OPHN1: variants seen among roughly 807,000 people sequenced by gnomAD.
The protein encoded by OPHN1 is oligophrenin 1, also known as oligophrenin-1.
OPHN1 carries 11 observed loss-of-function variants against 60.7 expected under a neutral mutation model. The observed-to-expected ratio is 0.18, with a 90% CI of 0.11 to 0.30. The LOEUF (loss-of-function observed/expected upper bound fraction) is 0.30. Ranked by LOEUF, OPHN1 falls within the 10% of genes least tolerant of loss-of-function variation. The pLI, the probability that OPHN1 is intolerant of heterozygous loss-of-function variation, is 1.00. For synonymous variants in OPHN1, 226 were observed against 222.6 expected, an observed-to-expected ratio of 1.02 and a Z score of -0.14; for missense variants, 449 against 611.0, an observed-to-expected ratio of 0.73 and a Z score of 2.80.
At chrX:68,344,813 C>T (rs868209403) in intron 2 of OPHN1, among the ~76,000 whole-genome samples, 3 of 112,172 alleles carry the variant, frequency 2.7e-5, no homozygotes, top group Non-Finnish European at 3.8e-5. Context: ...TAATAAAATG[C>T]TATGCTTATA....
At chrX:68,057,269 C>T (rs965582080) in intron 21 of OPHN1, among the ~76,000 whole-genome samples, 1 of 111,498 alleles carries the variant, frequency 9.0e-6, no homozygotes, top group African/African-American at 3.3e-5. Context: ...TAGGATGGAT[C>T]CTGAGCATGG....
chrX:68,049,653 A>G (rs1602121227), intron 23 of OPHN1, among the ~76,000 whole-genome samples: 2 of 111,892 alleles, frequency 1.8e-5, no homozygotes, highest in East Asian at 2.8e-4. Flanking sequence ...TGTGACTGTC[A>G]TTCTTGAAAT....
At position 68,414,222 on chromosome X, in the gene OPHN1, T is replaced by C. The variant is rs184373538; in HGVS notation, c.154+18645A>G. Among the ~76,000 whole-genome samples the C allele has an allele frequency of 1.2e-3, 136 of 111,408 alleles. No homozygotes were observed. In the Middle Eastern group the frequency reaches 0.014, roughly 11 times the overall value. Reference sequence around the variant, plus strand: ...GACCCAAGAGCACTATAAATAACAATGCTAATCTTTCTCAAATGGTTATTA... The same window carrying C: ...GACCCAAGAGCACTATAAATAACAACGCTAATCTTTCTCAAATGGTTATTA... On this transcript the variant is annotated intron_variant, in intron 2 of 24. Transcript: ENST00000355520.
At chrX:68,132,991 C>T in intron 15 of OPHN1, 1 of 470,184 alleles carries the variant, frequency 2.1e-6, no homozygotes, top group South Asian at 2.7e-5. Context: ...GGCCCCCGGA[C>T]GCCAAGCCGC....
At position 68,217,341 on chromosome X, in the gene OPHN1, G is replaced by A. The variant is rs751639749; in HGVS notation, c.487-3369C>T. ...TGAGATCAAACTGCAAGGCGGCAGC[G>A]AGGCTGGGGGAGGGGCGCCCGCCAT... On this transcript the variant is annotated intron_variant, in intron 6 of 24. Transcript: ENST00000355520. Among the ~76,000 whole-genome samples, 25 of 111,516 alleles carry A rather than the reference G, an allele frequency of 2.2e-4. No individual in the cohort carries two copies. The South Asian group carries it at 2.3e-3, about 10-fold the overall frequency.
chrX:68,359,506 T>TCCATC (rs897399549), intron 2 of OPHN1, among the ~76,000 whole-genome samples: 7 of 110,665 alleles, frequency 6.3e-5, no homozygotes, highest in African/African-American at 2.0e-4. Flanking sequence ...AAATAACATA[T>TCCATC]CCATCCCATC....
chrX:68,374,708 AG>A (rs2078547318), intron 2 of OPHN1, among the ~76,000 whole-genome samples: 1 of 112,261 alleles, frequency 8.9e-6, no homozygotes, highest in Non-Finnish European at 1.9e-5. Context: ...ACCCATACTC[AG>A]AATACATAAA....
At chrX:68,075,859 AT>A (rs1645883408) in intron 19 of OPHN1, among the ~76,000 whole-genome samples, 1 of 109,368 alleles carries the variant, frequency 9.1e-6, no homozygotes, top group Admixed American at 9.9e-5. Context: ...CTATAATCAA[AT>A]TTAAAAGCTG....
intron 5 of OPHN1, among the ~76,000 whole-genome samples, chrX:68,252,774 C>T (rs892264429): frequency 9.0e-6 from 1 of 111,353 alleles, no homozygotes; most frequent in Non-Finnish European, 1.9e-5. Context: ...CCCTTACTTG[C>T]CTACTAATGC....
intron 15 of OPHN1, among the ~76,000 whole-genome samples, chrX:68,185,978 T>G (rs16990523): frequency 0.034 from 3,836 of 111,704 alleles, 159 homozygotes; most frequent in African/African-American, 0.12. Context: ...GATCTTGGTT[T>G]AAGAAATAGG....
chrX:68,239,345 G>A (rs1227893933), intron 5 of OPHN1, among the ~76,000 whole-genome samples: 1 of 110,777 alleles, frequency 9.0e-6, no homozygotes, highest in African/African-American at 3.3e-5. Context: ...CCAACCACTT[G>A]TGTCTCTGCC....
chrX:68,050,449 C>T lies in OPHN1; in HGVS notation c.2376-1992G>A, dbSNP rs781178039. Among the ~76,000 whole-genome samples, 17 of 111,968 alleles carry T rather than the reference C, an allele frequency of 1.5e-4. 1 individual carries two copies. The East Asian group carries it at 2.0e-3, about 13-fold the overall frequency. ...GGTTGTGCTTGATCTAAGGCTTCCT[C>T]GAGCACTGGCTGACAAAGCCCAGCC... On this transcript the variant is annotated intron_variant, in intron 23 of 24. Transcript: ENST00000355520.
At chrX:68,079,025 A>AAAT (rs2076964747) in intron 19 of OPHN1, among the ~76,000 whole-genome samples, 1 of 108,920 alleles carries the variant, frequency 9.2e-6, no homozygotes, top group African/African-American at 3.3e-5. Flanking sequence ...ATAAATAAAT[A>AAAT]AAGTAAACAA....
At position 68,150,429 on chromosome X, in the gene OPHN1, T is replaced by G. The variant is rs763964; in HGVS notation, c.1277-31097A>C. On this transcript the variant is annotated intron_variant, in intron 15 of 24. Coordinates refer to ENST00000355520, the MANE Select transcript of OPHN1 (RefSeq NM_002547.3). The stretch of plus-strand genomic sequence containing the variant: ...AGTGGGAAAAAATGGAACATAATAA[T>G]AAGTTGTGAGCACAAATCTAACCTA... Among the ~76,000 whole-genome samples the G allele has an allele frequency of 6.1e-3, 686 of 111,881 alleles. 6 individuals carry two copies. Among genetic ancestry groups the G allele is most frequent in the African/African-American group, 0.021 (654 of 30,854 alleles).
chrX:68,223,953 A>G (rs751910618), intron 6 of OPHN1, among the ~76,000 whole-genome samples: 34 of 111,592 alleles, frequency 3.0e-4, no homozygotes, highest in Middle Eastern at 4.7e-3. Flanking sequence ...ATCAAAATAC[A>G]TGAGGTAAAA....
intron 15 of OPHN1, chrX:68,192,619 G>T: frequency 3.4e-6 from 1 of 298,083 alleles, no homozygotes; most frequent in Non-Finnish European, 6.0e-6. Flanking sequence ...GTATTCACTG[G>T]ATTTGGTAAG....
chrX:68,363,228 T>C (rs919600652), intron 2 of OPHN1, among the ~76,000 whole-genome samples: 3 of 110,112 alleles, frequency 2.7e-5, no homozygotes, highest in African/African-American at 6.6e-5. Context: ...GCCTGGGCAA[T>C]AGAGCAAGAC....
At chrX:68,165,349 G>A (rs1318116838) in intron 15 of OPHN1, among the ~76,000 whole-genome samples, 1 of 111,443 alleles carries the variant, frequency 9.0e-6, no homozygotes, top group Non-Finnish European at 1.9e-5. Context: ...AGTGAGAGAT[G>A]TGTGACTCAC....
chrX:68,246,841 C>A (rs72627691), intron 5 of OPHN1, among the ~76,000 whole-genome samples: 20,406 of 110,433 alleles, frequency 0.18, 1,583 homozygotes, highest in African/African-American at 0.3. Flanking sequence ...GTATAATAAA[C>A]TTTAGTAGTA....
Sources: allele counts gnomAD v4.1 joint callset (sites outside exome capture counted in the v4.1 genomes callset), GRCh38; gene constraint gnomAD v4.1.1; transcripts MANE v1.5; gene names NCBI Gene and HGNC (gene_info 2026-07-23, HGNC 2026-07-21).